Variants in SENP6 observed in about 807,000 individuals in gnomAD.
SENP6 encodes the protein sentrin-specific protease 6.
In SENP6, 41 loss-of-function variants were observed where a neutral mutation model predicts 134.5. The observed-to-expected ratio is 0.30, with a 90% CI of 0.24 to 0.40. The LOEUF (loss-of-function observed/expected upper bound fraction) is 0.40. Ranked by LOEUF, SENP6 falls within the 10% of genes least tolerant of loss-of-function variation. The pLI is 1.00. For synonymous variants in SENP6, 395 were observed against 429.8 expected (o/e 0.92, Z 1.00); for missense variants, 1,248 against 1,312.5 (o/e 0.95, Z 0.76).
chr6:75,628,450 C>T (rs550304958), intron 3 of SENP6, among the ~76,000 whole-genome samples: 2 of 151,976 alleles, frequency 1.3e-5, no homozygotes, highest in Admixed American at 6.6e-5. Context: ...ATTTATTATG[C>T]AAAATAATAT....
chr6:75,604,995 C>A (rs1281154987), intron 1 of SENP6, among the ~76,000 whole-genome samples: 1 of 152,182 alleles, frequency 6.6e-6, no homozygotes, highest in African/African-American at 2.4e-5. Flanking sequence ...ATCACCTGAA[C>A]CCAGGAGCTG....
chr6:75,702,985 G>C lies in SENP6; in HGVS notation c.2629G>C (p.Gly877Arg). Residue 877 changes from glycine to arginine, a missense_variant, in exon 19 of 24, where the codon GGA (glycine) becomes CGA (arginine). Around this residue, in one of 3 missense-constraint regions of SENP6, gnomAD observed 386 missense variants for 395.0 expected, o/e 0.98. Transcript: ENST00000447266. ...TASENEEFNK[G>R]ESTSQKVADR... ...GAGTGAAAATGAAGAATTCAATAAA[G>C]GAGAATCTACATCCCAGAAAGTTGC... 1 of 1,613,930 alleles carries C rather than the reference G, an allele frequency of 6.2e-7. No individual in the cohort carries two copies. Among genetic ancestry groups the C allele is most frequent in the Non-Finnish European group, 8.5e-7 (1 of 1,179,894 alleles).
chr6:75,701,633 C>CTTTTTTTTTTTTTTTTTTTTTTTTTTTTT, intron 18 of SENP6, among the ~76,000 whole-genome samples: 1 of 80,114 alleles, frequency 1.2e-5, no homozygotes, highest in Non-Finnish European at 2.2e-5. Context: ...ACAGTTTAAT[C>CTTTTTTTTTTTTTTTTTTTTTTTTTTTTT]TTTTTTTTTT....
At position 75,624,012 on chromosome 6, in the gene SENP6, G is replaced by A. The variant is rs768942720; in HGVS notation, c.207+52G>A. 8.5e-6 allele frequency: 12 copies of A among 1,405,098 alleles called. No homozygotes were observed. In the South Asian group the frequency reaches 1.5e-4, roughly 18 times the overall value. 87.0% of individuals were successfully genotyped at this position (1,405,098 alleles called of 1,614,324 possible). On this transcript the variant is annotated intron_variant, in intron 3 of 23. Transcript: ENST00000447266. The stretch of plus-strand genomic sequence containing the variant: ...CTTTTACATTATATACAAAAAAATT[G>A]TTACCTCAAAAGATTTAATATTTTT...
intron 3 of SENP6, among the ~76,000 whole-genome samples, chr6:75,631,313 CAT>C (rs1164747850): frequency 4.6e-5 from 7 of 152,156 alleles, no homozygotes; most frequent in Admixed American, 1.3e-4. Flanking sequence ...ATAATTTTCA[CAT>C]ATTTAGTATT....
At chr6:75,657,978 T>C (rs529291259) in intron 7 of SENP6, among the ~76,000 whole-genome samples, 1 of 152,190 alleles carries the variant, frequency 6.6e-6, no homozygotes, top group East Asian at 1.9e-4. Context: ...AATTAGAGTA[T>C]TAGAATGACA....
chr6:75,657,693 A>G (rs879714490), intron 7 of SENP6, among the ~76,000 whole-genome samples: 24 of 152,212 alleles, frequency 1.6e-4, no homozygotes, highest in Non-Finnish European at 2.9e-4. Context: ...TGCTCTTCCC[A>G]GAGCTGGCAA....
At chr6:75,679,553 A>G (rs1582842370) in intron 16 of SENP6, 1 of 152,450 alleles carries the variant, frequency 6.6e-6, no homozygotes, top group East Asian at 1.9e-4. Flanking sequence ...AAGCATTAAC[A>G]TGGTACAGTC....
At position 75,647,687 on chromosome 6, in the gene SENP6, CTG is replaced by C. The variant is rs756756276; in HGVS notation, c.480-42_480-41del. On this transcript the variant is annotated intron_variant, in intron 6 of 23. Transcript: ENST00000447266. Reference sequence around the variant, plus strand: ...GCCATTAACTTTTTCATTTTGAAAACTGTATTTCCTGTTAGAATAAAACTACA... The same window carrying C: ...GCCATTAACTTTTTCATTTTGAAAACTATTTCCTGTTAGAATAAAACTACA... 12 of 1,361,558 alleles carry C rather than the reference CTG, an allele frequency of 8.8e-6. No individual in the cohort carries two copies. In the East Asian group the frequency reaches 1.6e-4, roughly 18 times the overall value. 84.3% of individuals were successfully genotyped at this position (1,361,558 alleles called of 1,614,324 possible).
At chr6:75,700,836 A>G (rs1489123357) in intron 18 of SENP6, among the ~76,000 whole-genome samples, 3 of 152,220 alleles carry the variant, frequency 2.0e-5, no homozygotes, top group Non-Finnish European at 2.9e-5. Context: ...CAACATGTCT[A>G]AAGTTGAGAT....
rs753803580 is a variant in SENP6, at chr6:75,709,577, G to A, written c.2767G>A (p.Gly923Ser). 6.2e-7 allele frequency: 1 copy of A among 1,613,956 alleles called. No homozygotes were observed. Among genetic ancestry groups the A allele is most frequent in the Admixed American group, 1.7e-5 (1 of 60,012 alleles). Residue 923 changes from glycine to serine, a missense_variant, in exon 20 of 24, where the codon GGT becomes AGT. By Grantham distance (56) the Gly-to-Ser change is moderately conservative (BLOSUM62 0). Transcript: ENST00000447266. ...CTATAGCGATGAATCACCTGAAGCT[G>A]GTAAAATGCTTGAAGATGAACTCGT... ...LNYSDESPEA[G>S]KMLEDELVDF...
chr6:75,642,413 CTAAA>C (rs1331749397), intron 6 of SENP6, among the ~76,000 whole-genome samples: 4 of 152,176 alleles, frequency 2.6e-5, no homozygotes, highest in Admixed American at 1.3e-4. Flanking sequence ...TAACATTTAA[CTAAA>C]GACTAAATGG....
In SENP6 at chr6:75,622,856, C is replaced by CTGT. The variant is rs775803368; in HGVS notation, c.147-1042_147-1041insTTG. Reference sequence around the variant, plus strand: ...GTTTTATTTGAAGGAGAGCTTTGAACTGGTAAGTCTCTCATTTAAAGTCAG... The same window carrying CTGT: ...GTTTTATTTGAAGGAGAGCTTTGAACTGTTGGTAAGTCTCTCATTTAAAGTCAG... On this transcript the variant is annotated intron_variant, in intron 2 of 23. Coordinates refer to ENST00000447266, the MANE Select transcript of SENP6 (RefSeq NM_015571.4). 8 of 1,252,610 alleles carry CTGT rather than the reference C, an allele frequency of 6.4e-6. No homozygotes were observed. In the South Asian group the frequency reaches 1.0e-4, roughly 16 times the overall value. The allele number at this position is 1,252,610 out of a possible 1,614,324, so 77.6% of individuals were successfully genotyped here. A position where few individuals can be genotyped will look rare whatever the true frequency, so the allele number is the denominator to read the frequency against.
intron 19 of SENP6, among the ~76,000 whole-genome samples, chr6:75,705,417 C>T (rs541516334): frequency 6.7e-4 from 102 of 152,070 alleles, no homozygotes; most frequent in African/African-American, 2.3e-3. Context: ...TGGTGGTGCC[C>T]GCCTGTAATC....
chr6:75,673,009 A>T (rs1171151395), intron 11 of SENP6, among the ~76,000 whole-genome samples: 3 of 151,942 alleles, frequency 2.0e-5, no homozygotes, highest in African/African-American at 7.3e-5. Context: ...TTGTATTTTT[A>T]GTAGAGACGG....
intron 7 of SENP6, among the ~76,000 whole-genome samples, chr6:75,656,710 A>C (rs1421353493): frequency 6.6e-6 from 1 of 152,072 alleles, no homozygotes; most frequent in East Asian, 1.9e-4. Flanking sequence ...ACTATCAATC[A>C]TTTACCATTT....
chr6:75,663,327 C>A lies in SENP6; in HGVS notation c.803C>A (p.Thr268Lys), dbSNP rs1182126883. Residue 268 changes from threonine (T) to lysine (K), a missense_variant, in exon 9 of 24, where the codon ACA (threonine) becomes AAA (lysine). This residue lies in a region of SENP6 where 733 missense variants were observed against 725.4 expected (regional missense o/e 1.01). Transcript: ENST00000447266. ...TCTGGAGGACAGAAGTCACAAAACA[C>A]AGGATTAACAACCAAGAAGTTTTAT... The part of the protein sequence containing the change: ...QNSGGQKSQN[T>K]GLTTKKFYGN... 4 of 1,613,698 alleles carry A rather than the reference C, an allele frequency of 2.5e-6. No individual in the cohort carries two copies. The Admixed American group carries it at 6.7e-5, about 27-fold the overall frequency.
intron 3 of SENP6, among the ~76,000 whole-genome samples, chr6:75,628,975 T>C (rs189310674): frequency 1.1e-3 from 174 of 152,334 alleles, no homozygotes; most frequent in African/African-American, 4.0e-3. Flanking sequence ...TCCACCCACC[T>C]TGGCCTCCCA....
At chr6:75,681,160 A>G (rs1773436564) in intron 16 of SENP6, among the ~76,000 whole-genome samples, 1 of 152,136 alleles carries the variant, frequency 6.6e-6, no homozygotes, top group Non-Finnish European at 1.5e-5. Flanking sequence ...TGTAATCCAC[A>G]ATGTTGGAAG....
Sources: allele counts gnomAD v4.1 joint callset (sites outside exome capture counted in the v4.1 genomes callset), GRCh38; gene constraint gnomAD v4.1.1; regional missense constraint gnomAD v4.1.1; transcripts MANE v1.5; gene names NCBI Gene and HGNC (gene_info 2026-07-23, HGNC 2026-07-21).